The following CTNNA2 variants were observed in gnomAD, a reference collection of about 807,000 sequenced individuals.
CTNNA2 encodes the protein catenin alpha 2.
In CTNNA2, 42 loss-of-function variants were observed where a neutral mutation model predicts 101.0. The ratio of observed to expected loss-of-function variants is 0.42; its 90% CI spans 0.32 to 0.54. CTNNA2 has a LOEUF of 0.54. Among genes scored for constraint, CTNNA2 ranks in the 20% least tolerant of loss-of-function variants. The probability of loss-of-function intolerance (pLI) is 0.14; values close to 1 mark genes in which losing one functional copy is unlikely to be tolerated. For synonymous variants in CTNNA2, 450 were observed against 456.4 expected, an observed-to-expected ratio of 0.99 and a Z score of 0.18; for missense variants, 871 against 1,223.1, an observed-to-expected ratio of 0.71 and a Z score of 4.29.
At chr2:79,568,499 A>C (rs1443769551) in intron 1 of CTNNA2, among the ~76,000 whole-genome samples, 23 of 151,970 alleles carry the variant, frequency 1.5e-4, no homozygotes, top group Non-Finnish European at 2.8e-4. Context: ...GCTACTCAAG[A>C]GGCTGAGGTG....
At chr2:80,361,176 G>A (rs1674370714) in intron 7 of CTNNA2, among the ~76,000 whole-genome samples, 1 of 151,922 alleles carries the variant, frequency 6.6e-6, no homozygotes, top group Admixed American at 6.6e-5. Context: ...ACCTGAAGAG[G>A]TAATGGATCT....
At position 79,213,255 on chromosome 2, in the gene CTNNA2, C is replaced by T. The variant is rs541630909; in HGVS notation, c.-406+15179C>T. ...AGCGATGGGATCTGATGATGCCCTT[C>T]GACGGCCTTTGCAGTGAATGACTCC... is the stretch of plus-strand genomic sequence containing the variant. On this transcript the variant is annotated intron_variant, in intron 2 of 21. Coordinates refer to the CTNNA2 transcript ENST00000466387. Among the ~76,000 whole-genome samples, 119 of 152,250 alleles carry T rather than the reference C, an allele frequency of 7.8e-4. 4 individuals are homozygous for T. The South Asian group carries it at 0.023, about 30-fold the overall frequency.
At chr2:80,186,911 G>A (rs12996150) in intron 7 of CTNNA2, among the ~76,000 whole-genome samples, 61,163 of 152,108 alleles carry the variant, frequency 0.4, 13,624 homozygotes, top group Non-Finnish European at 0.51. Flanking sequence ...CAAAAGAAGG[G>A]TTCCTGCTGG....
chr2:79,800,110 T>G (rs560587110), intron 3 of CTNNA2, among the ~76,000 whole-genome samples: 1 of 152,358 alleles, frequency 6.6e-6, no homozygotes, highest in East Asian at 1.9e-4. Context: ...CTAAAAGCTA[T>G]AATTTTGTCA....
At chr2:79,474,345 C>A (rs1476851661) in intron 4 of CTNNA2, among the ~76,000 whole-genome samples, 1 of 152,022 alleles carries the variant, frequency 6.6e-6, no homozygotes, top group African/African-American at 2.4e-5. Context: ...TTGACAAAAA[C>A]AACAATAAGA....
intron 7 of CTNNA2, among the ~76,000 whole-genome samples, chr2:80,083,651 CAG>C (rs1423617099): frequency 1.3e-5 from 2 of 152,138 alleles, no homozygotes; most frequent in African/African-American, 4.8e-5. Flanking sequence ...AGAACTTTGT[CAG>C]AGTCACCAGC....
chr2:80,564,866 C>T (rs1693916568), intron 12 of CTNNA2, among the ~76,000 whole-genome samples: 1 of 152,144 alleles, frequency 6.6e-6, no homozygotes, highest in Non-Finnish European at 1.5e-5. Flanking sequence ...TTCCAATTTT[C>T]AACTTCGAAC....
chr2:79,937,130 T>G (rs2104443925), intron 7 of CTNNA2, among the ~76,000 whole-genome samples: 1 of 152,344 alleles, frequency 6.6e-6, no homozygotes, highest in South Asian at 2.1e-4. Flanking sequence ...GGTTTCTTAT[T>G]CAATTTCTTG....
upstream of CTNNA2, chr2:79,512,882 G>C (rs1484728215): frequency 1.3e-5 from 2 of 151,234 alleles, no homozygotes; most frequent in Non-Finnish European, 3.0e-5. Flanking sequence ...CACGGGGACC[G>C]CGGGGGCGCG....
chr2:79,757,963 G>C (rs926581815), intron 3 of CTNNA2, among the ~76,000 whole-genome samples: 7 of 152,166 alleles, frequency 4.6e-5, no homozygotes, highest in Non-Finnish European at 1.0e-4. Context: ...TAACGTCATT[G>C]TTATTCTTGC....
intron 7 of CTNNA2, among the ~76,000 whole-genome samples, chr2:80,358,059 T>A (rs1348115107): frequency 6.6e-6 from 1 of 152,120 alleles, no homozygotes; most frequent in Non-Finnish European, 1.5e-5. Context: ...ATTCCTTATC[T>A]TTGTGAACTG....
chr2:80,599,416 G>A (rs900018490), intron 15 of CTNNA2, among the ~76,000 whole-genome samples: 3 of 152,082 alleles, frequency 2.0e-5, no homozygotes, highest in Admixed American at 6.6e-5. Context: ...CCAAATTCAA[G>A]GTCTTCTCTT....
chr2:80,017,828 A>G (rs1469259042), intron 7 of CTNNA2, among the ~76,000 whole-genome samples: 1 of 152,144 alleles, frequency 6.6e-6, no homozygotes, highest in Non-Finnish European at 1.5e-5. Flanking sequence ...CCACGAAGTC[A>G]TTTCACCTAC....
At chr2:80,237,537 G>C (rs530478627) in intron 7 of CTNNA2, among the ~76,000 whole-genome samples, 2 of 152,180 alleles carry the variant, frequency 1.3e-5, no homozygotes, top group Admixed American at 6.5e-5. Flanking sequence ...AGTAGGAGAG[G>C]TACTCTTGTT....
chr2:80,262,620 C>T (rs1672696502), intron 7 of CTNNA2, among the ~76,000 whole-genome samples: 1 of 119,064 alleles, frequency 8.4e-6, no homozygotes, highest in Non-Finnish European at 1.9e-5. Flanking sequence ...CCCCTTTTCT[C>T]CTTGGATCTA....
At chr2:79,814,982 G>A (rs1256273654) in intron 3 of CTNNA2, among the ~76,000 whole-genome samples, 4 of 152,052 alleles carry the variant, frequency 2.6e-5, no homozygotes, top group African/African-American at 7.2e-5. Flanking sequence ...TGGGAGTAAG[G>A]TGGTATCACA....
intron 1 of CTNNA2, among the ~76,000 whole-genome samples, chr2:79,600,475 C>T (rs1281006350): frequency 6.6e-6 from 1 of 152,066 alleles, no homozygotes; most frequent in African/African-American, 2.4e-5. Flanking sequence ...CCGCACCTGG[C>T]CACCCCTTGG....
At chr2:80,450,524 AG>A (rs1370350055) in intron 9 of CTNNA2, among the ~76,000 whole-genome samples, 2 of 152,314 alleles carry the variant, frequency 1.3e-5, no homozygotes, top group East Asian at 3.9e-4. Flanking sequence ...TTTCTTCTCA[AG>A]GAATTCTTGT....
intron 7 of CTNNA2, among the ~76,000 whole-genome samples, chr2:80,387,834 A>G (rs1339181387): frequency 1.3e-5 from 2 of 152,186 alleles, no homozygotes; most frequent in Non-Finnish European, 2.9e-5. Context: ...AAAGACTAAA[A>G]CAAATAAAGT....
Sources: allele counts gnomAD v4.1 joint callset (sites outside exome capture counted in the v4.1 genomes callset), GRCh38; gene constraint gnomAD v4.1.1; transcripts MANE v1.5; gene names NCBI Gene and HGNC (gene_info 2026-07-23, HGNC 2026-07-21).